The following VWA5B2 variants were observed in gnomAD, a reference collection of about 807,000 sequenced individuals.
VWA5B2 encodes von Willebrand factor A domain-containing protein 5B2.
VWA5B2 carries 93 observed loss-of-function variants against 118.5 expected under a neutral mutation model. The observed-to-expected ratio is 0.79, with a 90% CI of 0.66 to 0.93. The LOEUF is 0.93. VWA5B2 is among the 40% of genes least tolerant of loss of function. The pLI is 0.00. For missense variants in VWA5B2, 1,546 were observed against 1,672.8 expected (o/e 0.92, Z 1.32); for synonymous variants, 708 against 716.3 (o/e 0.99, Z 0.19).
Position 184,239,630 on chromosome 3 carries a change from T to C in VWA5B2, c.2392+47T>C. On this transcript the variant is annotated intron_variant, in intron 15 of 19. Coordinates refer to ENST00000691901, the MANE Select transcript of VWA5B2 (RefSeq NM_001390846.1). The surrounding 1 kb of genome is among the most constrained non-coding windows in gnomAD (Gnocchi z 5.1). ...GGTTTCCCTGACACCAAAGAGGCCT[T>C]GGGGAGGTAAAGCCCAGAGGACCAC... 6.8e-7 allele frequency: 1 copy of C among 1,476,550 alleles called. No homozygotes were observed. The highest frequency in any genetic ancestry group is 9.0e-7 in the Non-Finnish European group (1 of 1,105,744). 91.5% of individuals were successfully genotyped at this position (1,476,550 alleles called of 1,614,324 possible).
At chr3:184,235,370 G>T (rs953537071) in intron 8 of VWA5B2, 62 bp downstream of exon 8, 14 of 1,510,082 alleles carry the variant, frequency 9.3e-6, no homozygotes, top group African/African-American at 1.4e-5. Flanking sequence ...TCTGAGGAGG[G>T]CTGGGGGCAG....
Position 184,236,394 on chromosome 3 carries a change from G to T in VWA5B2, c.1264G>T (p.Gly422Trp). ...CATTGAGACCCTGCAGGTTCCGAGT[G>T]GGCCCCCAGACGTGCTGGCTGCTCT... ...ESIETLQVPS[G>W]PPDVLAALDW... Residue 422 changes from glycine to tryptophan, a missense_variant, in exon 10 of 20, where the codon GGG (glycine) becomes TGG (tryptophan). Gly to Trp is a radical substitution (Grantham distance 184). This residue lies in a region of VWA5B2 where 775 missense variants were observed against 882.3 expected (regional missense o/e 0.88). Transcript: ENST00000691901. 1 of 1,546,194 alleles carries T rather than the reference G, an allele frequency of 6.5e-7. No homozygotes were observed. The highest frequency in any genetic ancestry group is 8.7e-7 in the Non-Finnish European group (1 of 1,144,108).
chr3:184,241,423 G>A lies in VWA5B2; in HGVS notation c.3180+19G>A, dbSNP rs1718626093. ...GCCCTTGGTGAGGACTCGGGAGGTG[G>A]AGGGTGGTGCCGCCGGGGCCGGGCG... On this transcript the variant is annotated intron_variant, in intron 19 of 19. Transcript: ENST00000691901. The surrounding 1 kb of genome is among the most constrained non-coding windows in gnomAD (Gnocchi z 5.1). 1.3e-6 allele frequency: 2 copies of A among 1,576,420 alleles called. No individual in the cohort carries two copies. Among genetic ancestry groups the A allele is most frequent in the African/African-American group, 1.3e-5 (1 of 74,284 alleles).
chr3:184,240,903 TG>T lies in VWA5B2; in HGVS notation c.2857del (p.Ala953ProfsTer23), dbSNP rs1718529418. 1 of 1,551,522 alleles carries T rather than the reference TG, an allele frequency of 6.4e-7. No individual in the cohort carries two copies. The highest frequency in any genetic ancestry group is 8.7e-7 in the Non-Finnish European group (1 of 1,146,982). The part of the protein sequence containing the change: ...VDATTREVLP[G>X]ALQVCSSEPA... ...ATGCTACTACTAGGGAGGTCCTGCCTGGGGCCCTGCAGGTGTGCAGCTCAGG... is the reference window on the plus strand; with the variant it reads ...ATGCTACTACTAGGGAGGTCCTGCCTGGGCCCTGCAGGTGTGCAGCTCAGG... On this transcript the variant is annotated frameshift_variant, in exon 17 of 20. Transcript: ENST00000691901. LOFTEE classifies it high-confidence loss of function.
intron 6 of VWA5B2, 70 bp from the exon 7 acceptor site, chr3:184,234,561 A>T (rs1325547061): frequency 3.3e-6 from 5 of 1,534,346 alleles, no homozygotes; most frequent in Non-Finnish European, 4.4e-6. Flanking sequence ...CTCCTCCTGG[A>T]CAGTGAAACT....
At position 184,238,836 on chromosome 3, in the gene VWA5B2, C is replaced by T. The variant is rs1436273273; in HGVS notation, c.2165C>T (p.Ser722Phe). Residue 722 changes from serine (S) to phenylalanine (F), a missense_variant, in exon 14 of 20, where the codon TCC becomes TTC. Around this residue, in one of 3 missense-constraint regions of VWA5B2, gnomAD observed 763 missense variants for 766.6 expected, o/e 1.00. Coordinates refer to ENST00000691901, the MANE Select transcript of VWA5B2 (RefSeq NM_001390846.1). This position sits in a 1 kb window ranked among gnomAD's most constrained non-coding sequence, Gnocchi z 5.0. ...TGGGGAGAACCTGCAGGCTCCCGCTCCTGTCCCCTGCCTGCACCCACACCA... is the reference window on the plus strand; with the variant it reads ...TGGGGAGAACCTGCAGGCTCCCGCTTCTGTCCCCTGCCTGCACCCACACCA... ...LAWGEPAGSR[S>F]CPLPAPTPAP... The T allele has an allele frequency of 6.5e-7, 1 of 1,526,962 alleles. No individual in the cohort carries two copies. The highest frequency in any genetic ancestry group is 1.4e-5 in the African/African-American group (1 of 72,644). The allele number at this position is 1,526,962 out of a possible 1,614,324, so 94.6% of individuals were successfully genotyped here. A position where few individuals can be genotyped will look rare whatever the true frequency, so the allele number is the denominator to read the frequency against.
At position 184,233,280 on chromosome 3, in the gene VWA5B2, G is replaced by A. The variant is rs765197607; in HGVS notation, c.413G>A (p.Arg138Gln). ...ATGACGGTGACCCTGCACAGCAGCC[G>A]GGAGCTGCCCTCAAGGCCTGACGGG... ...GTMTVTLHSS[R>Q]ELPSRPDGVL... is the part of the protein sequence containing the mutation. The change falls in exon 4 of 20, where the codon CGG (arginine) becomes CAG (glutamine). Residue 138 changes from arginine to glutamine, a missense_variant. By Grantham distance (43) the Arg-to-Gln change is conservative (BLOSUM62 1). Around this residue, in one of 3 missense-constraint regions of VWA5B2, gnomAD observed 775 missense variants for 882.3 expected, o/e 0.88. Coordinates refer to ENST00000691901, the MANE Select transcript of VWA5B2 (RefSeq NM_001390846.1). The surrounding 1 kb of genome is among the most constrained non-coding windows in gnomAD (Gnocchi z 5.2). The A allele has an allele frequency of 1.8e-5, 28 of 1,544,348 alleles. No individual in the cohort carries two copies. Among genetic ancestry groups the A allele is most frequent in the South Asian group, 1.2e-4 (10 of 82,712 alleles).
chr3:184,240,523 G>A (rs1226030657), intron 16 of VWA5B2: 1 of 519,742 alleles, frequency 1.9e-6, no homozygotes, highest in African/African-American at 1.9e-5. Context: ...GGAGGAAAAT[G>A]TGCCAGCTAA....
Position 184,236,560 on chromosome 3 carries a change from T to C in VWA5B2, c.1421+9T>C. The C allele has an allele frequency of 1.2e-5, 18 of 1,550,900 alleles. No homozygotes were observed. Among genetic ancestry groups the C allele is most frequent in the Non-Finnish European group, 1.6e-5 (18 of 1,146,602 alleles). The stretch of plus-strand genomic sequence containing the variant: ...CACAGGGGGACAGCCAGGTATGGGA[T>C]GGGCAGAACCAGATGCGTAAGACTG... On this transcript the variant is annotated intron_variant, in intron 10 of 19. Transcript: ENST00000691901.
intron 16 of VWA5B2, 97 bp from the exon 17 acceptor site, chr3:184,240,694 A>G: frequency 6.8e-7 from 1 of 1,470,030 alleles, no homozygotes; most frequent in East Asian, 2.5e-5. Flanking sequence ...TAAAGTCGAT[A>G]GAGGGAGAAG....
Position 184,241,362 on chromosome 3 carries a change from G to T in VWA5B2, c.3138G>T (p.Gln1046His). The change falls in exon 19 of 20, where the codon CAG becomes CAT. Residue 1046 changes from glutamine to histidine, a missense_variant. Gln to His is a conservative substitution (Grantham distance 24). This residue lies in a region of VWA5B2 where 763 missense variants were observed against 766.6 expected (regional missense o/e 1.00). Coordinates refer to ENST00000691901, the MANE Select transcript of VWA5B2 (RefSeq NM_001390846.1). This position sits in a 1 kb window ranked among gnomAD's most constrained non-coding sequence, Gnocchi z 5.1. ...RHKLCSPDPG[Q>H]ANNSEGSDHD... ...AACTCTGTAGCCCTGACCCGGGCCA[G>T]GCCAACAACAGTGAAGGCAGCGACC... The T allele has an allele frequency of 6.4e-7, 1 of 1,558,632 alleles. No individual in the cohort carries two copies. Among genetic ancestry groups the T allele is most frequent in the Admixed American group, 1.9e-5 (1 of 52,142 alleles).
At position 184,241,923 on chromosome 3, in the gene VWA5B2, A is replaced by G. The variant is rs1253203505; in HGVS notation, c.3614A>G (p.Asp1205Gly). Residue 1205 changes from aspartate (D) to glycine (G), a missense_variant, in exon 20 of 20, where the codon GAC (aspartate) becomes GGC (glycine). Around this residue, in one of 3 missense-constraint regions of VWA5B2, gnomAD observed 763 missense variants for 766.6 expected, o/e 1.00. Transcript: ENST00000691901. The surrounding 1 kb of genome is among the most constrained non-coding windows in gnomAD (Gnocchi z 5.1). Reference sequence around the variant, plus strand: ...TGGCTGCGGGCCCAGCACTTGCCTGACGGCCTTGACCTGGCCGCCCTCAAG... The same window carrying G: ...TGGCTGCGGGCCCAGCACTTGCCTGGCGGCCTTGACCTGGCCGCCCTCAAG... ...DCWLRAQHLP[D>G]GLDLAALKAA... 4.5e-6 allele frequency: 7 copies of G among 1,548,822 alleles called. No homozygotes were observed. The highest frequency in any genetic ancestry group is 1.4e-5 in the African/African-American group (1 of 73,040).
Position 184,236,180 on chromosome 3 carries a change from T to A in VWA5B2, c.1130T>A (p.Leu377His), listed in dbSNP as rs1325698936. 1.9e-6 allele frequency: 3 copies of A among 1,551,656 alleles called. No homozygotes were observed. Among genetic ancestry groups the A allele is most frequent in the Admixed American group, 3.9e-5 (2 of 51,008 alleles). ...GCCATTGTTTTGGCTGTGAAGTCCC[T>A]CCCGCCCCAGACGCTTATCAACCTG... ...KDAIVLAVKSLPPQTLINLAV... is the reference protein window; with the variant it reads ...KDAIVLAVKSHPPQTLINLAV... The change falls in exon 9 of 20, where the codon CTC becomes CAC. Residue 377 changes from leucine to histidine, a missense_variant. Around this residue, in one of 3 missense-constraint regions of VWA5B2, gnomAD observed 775 missense variants for 882.3 expected, o/e 0.88. Transcript: ENST00000691901.
chr3:184,242,276 GA>G lies in VWA5B2; in HGVS notation c.*240del. 1 of 737,554 alleles carries G rather than the reference GA, an allele frequency of 1.4e-6. No homozygotes were observed. The highest frequency in any genetic ancestry group is 2.3e-6 in the Non-Finnish European group (1 of 434,754). The allele number at this position is 737,554 out of a possible 1,614,324, so 45.7% of individuals were successfully genotyped here. A position where few individuals can be genotyped will look rare whatever the true frequency, so the allele number is the denominator to read the frequency against. ...CCTCTGAGCTCCCTGCAACACAGTGGAAGGGTAGAGAGCCACAGTCCCCAAA... is the reference window on the plus strand; with the variant it reads ...CCTCTGAGCTCCCTGCAACACAGTGGAGGGTAGAGAGCCACAGTCCCCAAA... On this transcript the variant is annotated 3_prime_UTR_variant, in exon 20 of 20. Coordinates refer to ENST00000691901, the MANE Select transcript of VWA5B2 (RefSeq NM_001390846.1).
chr3:184,230,335 C>G (rs1408153929), intron 1 of VWA5B2, 45 bp from the exon 2 acceptor site: 1 of 614,558 alleles, frequency 1.6e-6, no homozygotes, highest in African/African-American at 1.9e-5. Context: ...TCCTCGCCAC[C>G]ACGCCTGCCG....
chr3:184,236,359 T>A lies in VWA5B2; in HGVS notation c.1229T>A (p.Ile410Asn). Residue 410 changes from isoleucine to asparagine, a missense_variant, in exon 10 of 20, where the codon ATC (isoleucine) becomes AAC (asparagine). Ile to Asn is a moderately radical substitution (Grantham distance 149). Transcript: ENST00000691901. ...RPCSDDAVQL[I>N]CESIETLQVP... ...TCGCTCCAGGATGCTGTGCAGCTGA[T>A]CTGCGAGAGCATTGAGACCCTGCAG... The A allele has an allele frequency of 6.5e-7, 1 of 1,547,312 alleles. No individual in the cohort carries two copies. The highest frequency in any genetic ancestry group is 8.7e-7 in the Non-Finnish European group (1 of 1,143,706).
Position 184,242,155 on chromosome 3 carries a change from G to A in VWA5B2, c.*117G>A. ...GGCTGGTGCCAGCCTGTCCCCCACT[G>A]CTTCTTACTCCCTCCCTAGAGCCCT... On this transcript the variant is annotated 3_prime_UTR_variant, in exon 20 of 20. Transcript: ENST00000691901. The A allele has an allele frequency of 7.7e-7, 1 of 1,303,670 alleles. No homozygotes were observed. The highest frequency in any genetic ancestry group is 2.5e-5 in the East Asian group (1 of 39,720). 80.8% of individuals were successfully genotyped at this position (1,303,670 alleles called of 1,614,324 possible).
Position 184,233,799 on chromosome 3 carries a change from G to A in VWA5B2, c.688+66G>A. On this transcript the variant is annotated intron_variant, in intron 5 of 19. Coordinates refer to ENST00000691901, the MANE Select transcript of VWA5B2 (RefSeq NM_001390846.1). This position sits in a 1 kb window ranked among gnomAD's most constrained non-coding sequence, Gnocchi z 5.2. Reference sequence around the variant, plus strand: ...ACTCCACCCAGTGTAGTGACTGGAAGGGAAATAAGGCTCAGGGATAGGAGG... The same window carrying A: ...ACTCCACCCAGTGTAGTGACTGGAAAGGAAATAAGGCTCAGGGATAGGAGG... 1 of 1,527,590 alleles carries A rather than the reference G, an allele frequency of 6.5e-7. No individual in the cohort carries two copies. Among genetic ancestry groups the A allele is most frequent in the Non-Finnish European group, 8.8e-7 (1 of 1,135,960 alleles). The allele number at this position is 1,527,590 out of a possible 1,614,324, so 94.6% of individuals were successfully genotyped here.
Position 184,236,672 on chromosome 3 carries a change from C to G in VWA5B2, c.1456C>G (p.Gln486Glu). The part of the protein sequence containing the change: ...FSFGLGPTCH[Q>E]LLQGLSALSR... Reference sequence around the variant, plus strand: ...CTTTGGGCTGGGGCCCACCTGCCACCAGCTGCTCCAGGGTTTATCTGCCCT... The same window carrying G: ...CTTTGGGCTGGGGCCCACCTGCCACGAGCTGCTCCAGGGTTTATCTGCCCT... Residue 486 changes from glutamine to glutamate, a missense_variant, in exon 11 of 20, where the codon CAG becomes GAG. Gln to Glu is a conservative substitution (Grantham distance 29). Around this residue, in one of 3 missense-constraint regions of VWA5B2, gnomAD observed 775 missense variants for 882.3 expected, o/e 0.88. Coordinates refer to ENST00000691901, the MANE Select transcript of VWA5B2 (RefSeq NM_001390846.1). 2 of 1,551,392 alleles carry G rather than the reference C, an allele frequency of 1.3e-6. No individual in the cohort carries two copies. The highest frequency in any genetic ancestry group is 1.7e-6 in the Non-Finnish European group (2 of 1,146,708).
Sources: gnomAD v4.1 joint callset for allele counts on GRCh38, gnomAD v4.1.1 for gene constraint, gnomAD v4.1.1 regional missense constraint, Gnocchi (gnomAD v3.1) non-coding constraint, MANE v1.5 for transcripts, NCBI Gene and HGNC (gene_info 2026-07-23, HGNC 2026-07-21) for gene names.